Variants in CUL4A observed in about 807,000 individuals in gnomAD.
CUL4A encodes cullin-4A.
CUL4A carries 16 observed loss-of-function variants against 95.5 expected under a neutral mutation model. That is an observed-to-expected ratio of 0.17 (90% confidence interval 0.11 to 0.25). The LOEUF (loss-of-function observed/expected upper bound fraction) is 0.25, where lower values mean the gene tolerates loss of function less well. Among genes scored for constraint, CUL4A ranks in the 10% least tolerant of loss-of-function variants. CUL4A has a pLI of 1.00. For missense variants in CUL4A, 610 were observed against 937.0 expected (o/e 0.65, Z 4.56); for synonymous variants, 380 against 353.1 (o/e 1.08, Z -0.85).
upstream of CUL4A, among the ~76,000 whole-genome samples, chr13:113,209,255 G>A (rs1214609553): frequency 6.7e-6 from 1 of 148,234 alleles, no homozygotes; most frequent in Non-Finnish European, 1.5e-5. Context: ...CCTCAGGAGG[G>A]GTGCCCGCGG....
intron 6 of CUL4A, 68 bp downstream of exon 6, chr13:113,233,407 T>C: frequency 1.4e-6 from 2 of 1,412,124 alleles, no homozygotes; most frequent in African/African-American, 2.9e-5. Context: ...TAAATGGTTG[T>C]ACCAAAGATG....
chr13:113,218,955 A>G lies in CUL4A; in HGVS notation c.275A>G (p.Asn92Ser). Residue 92 changes from asparagine (N) to serine (S), a missense_variant, in exon 3 of 20, where the codon AAT (asparagine) becomes AGT (serine). This residue lies in a region of CUL4A where 168 missense variants were observed against 185.5 expected (regional missense o/e 0.91). Transcript: ENST00000375440. ...CCCTTTTGTTTGCAGGCTGTGGAAA[A>G]TCTCTGTTCTCACAAAGTCTCCCCA... ...NLEELYQAVE[N>S]LCSHKVSPML... 1.2e-6 allele frequency: 2 copies of G among 1,611,268 alleles called. No homozygotes were observed. The highest frequency in any genetic ancestry group is 1.7e-6 in the Non-Finnish European group (2 of 1,179,038).
At chr13:113,239,909 G>C (rs2041658046) in intron 10 of CUL4A, among the ~76,000 whole-genome samples, 1 of 152,188 alleles carries the variant, frequency 6.6e-6, no homozygotes, top group African/African-American at 2.4e-5. Context: ...ATCTCCTCAT[G>C]CCCTTTCCTC....
intron 3 of CUL4A, among the ~76,000 whole-genome samples, chr13:113,225,233 T>A (rs1202834767): frequency 6.6e-6 from 1 of 152,160 alleles, no homozygotes; most frequent in Non-Finnish European, 1.5e-5. Flanking sequence ...GAGAATACAC[T>A]ATTGACAGAC....
intron 4 of CUL4A, among the ~76,000 whole-genome samples, chr13:113,228,739 A>G (rs574474061): frequency 2.6e-5 from 4 of 152,204 alleles, no homozygotes; most frequent in Admixed American, 1.3e-4. Flanking sequence ...CACACGTCCA[A>G]GAGCCTCATC....
At chr13:113,236,183 A>G (rs2041538712) in intron 8 of CUL4A, among the ~76,000 whole-genome samples, 1 of 152,210 alleles carries the variant, frequency 6.6e-6, no homozygotes, top group Non-Finnish European at 1.5e-5. Flanking sequence ...GAGAGGGTGC[A>G]GAAAAAGAGA....
chr13:113,210,715 C>G (rs115773007), intron 2 of CUL4A, among the ~76,000 whole-genome samples: 2,413 of 152,236 alleles, frequency 0.016, 59 homozygotes, highest in African/African-American at 0.054. Context: ...TGTAAAGTAA[C>G]ATTCATTCAG....
At chr13:113,228,846 C>T (rs1363747627) in intron 4 of CUL4A, among the ~76,000 whole-genome samples, 1 of 151,990 alleles carries the variant, frequency 6.6e-6, no homozygotes, top group Non-Finnish European at 1.5e-5. Flanking sequence ...TTAGGCCGGG[C>T]GCGGTGGCTC....
intron 11 of CUL4A, chr13:113,244,128 T>G: frequency 3.4e-6 from 1 of 297,220 alleles, no homozygotes. Context: ...AGCATGTATT[T>G]GCTGAAGTCA....
intron 18 of CUL4A, among the ~76,000 whole-genome samples, chr13:113,256,185 G>T (rs914702939): frequency 6.6e-6 from 1 of 152,152 alleles, no homozygotes; most frequent in African/African-American, 2.4e-5. Context: ...TGGGATCACT[G>T]TACATATGGC....
Position 113,235,158 on chromosome 13 carries a change from T to C in CUL4A, c.848+13T>C. The stretch of plus-strand genomic sequence containing the variant: ...ACCACAGCACACAGTAAGTACCGTT[T>C]GCTCGCTGAGCGTTCGTATCTTCAC... On this transcript the variant is annotated intron_variant, in intron 8 of 19. Transcript: ENST00000375440. The C allele has an allele frequency of 6.3e-7, 1 of 1,586,532 alleles. No individual in the cohort carries two copies. The highest frequency in any genetic ancestry group is 8.6e-7 in the Non-Finnish European group (1 of 1,156,642).
intron 3 of CUL4A, among the ~76,000 whole-genome samples, chr13:113,220,989 G>C (rs906641700): frequency 5.9e-5 from 9 of 152,234 alleles, no homozygotes; most frequent in African/African-American, 2.2e-4. Flanking sequence ...CATGAGACAA[G>C]ATCTTGAGTT....
rs148700968 is a variant in CUL4A, at chr13:113,263,558, G to A, written c.2256G>A (p.Pro752=). 34 of 1,602,902 alleles carry A rather than the reference G, an allele frequency of 2.1e-5. No individual in the cohort carries two copies. Among genetic ancestry groups the A allele is most frequent in the African/African-American group, 4.0e-5 (3 of 74,190 alleles). ...ATATGGAGAGAGACAAAGACAATCC[G>A]AATCAGTACCACTACGTGGCCTGAC... ...RDYMERDKDN[P]NQYHYVA Residue 752 remains proline (P), a synonymous_variant, in exon 20 of 20, where the codon CCG becomes CCA. Transcript: ENST00000375440.
chr13:113,229,283 G>A (rs2041223558), intron 4 of CUL4A, among the ~76,000 whole-genome samples, 163 bp from the exon 5 acceptor site: 1 of 152,156 alleles, frequency 6.6e-6, no homozygotes, highest in African/African-American at 2.4e-5. Flanking sequence ...CACATACCAA[G>A]GGGACAAAAT....
chr13:113,233,817 G>T, intron 6 of CUL4A, 80 bp from the exon 7 acceptor site: 1 of 865,320 alleles, frequency 1.2e-6, no homozygotes, highest in Non-Finnish European at 1.9e-6. Context: ...AGCCTGCCCC[G>T]TCAGAAACTG....
chr13:113,261,724 A>G (rs111728991), intron 19 of CUL4A, among the ~76,000 whole-genome samples: 7 of 149,874 alleles, frequency 4.7e-5, no homozygotes, highest in South Asian at 2.1e-4. Flanking sequence ...CAGGGCGCCC[A>G]CTCTGCTCTC....
rs374255287 is a variant in CUL4A at position 113,239,439 on chromosome 13, A to G, written c.923A>G (p.Asp308Gly). ...HLTAILQKGL[D>G]HLLDENRVPD... ...CGTGTACTGCACATCTCAGGGCTCG[A>G]CCACTTACTGGATGAGAACAGAGTG... Residue 308 changes from aspartate to glycine, a missense_variant, in exon 10 of 20, where the codon GAC (aspartate) becomes GGC (glycine). This residue lies in a region of CUL4A where 153 missense variants were observed against 244.5 expected (regional missense o/e 0.63). Coordinates refer to ENST00000375440, the MANE Select transcript of CUL4A (RefSeq NM_001008895.4). 1.9e-6 allele frequency: 3 copies of G among 1,613,676 alleles called. No individual in the cohort carries two copies. In the African/African-American group the frequency reaches 4.0e-5, roughly 22 times the overall value.
intron 5 of CUL4A, 32 bp downstream of exon 5, chr13:113,229,551 TC>T: frequency 6.4e-7 from 1 of 1,557,838 alleles, no homozygotes; most frequent in Non-Finnish European, 8.8e-7. Flanking sequence ...AGCTGCGTCT[TC>T]CCTGCAGCTG....
rs1298527349 is a variant in CUL4A at position 113,218,893 on chromosome 13, G to T, written c.265-52G>T. ...TATGTTAACAATAGGGTTTTTTTAT[G>T]AACCAATCTGTTGTTCATACTGAAG... On this transcript the variant is annotated intron_variant, in intron 2 of 19. Coordinates refer to ENST00000375440, the MANE Select transcript of CUL4A (RefSeq NM_001008895.4). 2.5e-5 allele frequency: 33 copies of T among 1,304,916 alleles called. No homozygotes were observed. The East Asian group carries it at 5.6e-4, about 22-fold the overall frequency. The allele number at this position is 1,304,916 out of a possible 1,614,324, so 80.8% of individuals were successfully genotyped here. A position where few individuals can be genotyped will look rare whatever the true frequency, so the allele number is the denominator to read the frequency against.
Sources: allele counts gnomAD v4.1 joint callset (sites outside exome capture counted in the v4.1 genomes callset), GRCh38; gene constraint gnomAD v4.1.1; regional missense constraint gnomAD v4.1.1; transcripts MANE v1.5; gene names NCBI Gene and HGNC (gene_info 2026-07-23, HGNC 2026-07-21).